The following KDM5A variants were observed in gnomAD, a reference collection of about 807,000 sequenced individuals.
KDM5A encodes lysine-specific demethylase 5A.
A neutral mutation model predicts 193.5 loss-of-function variants in KDM5A; 42 were observed. That is an observed-to-expected ratio of 0.22 (90% CI 0.17 to 0.28). KDM5A has a LOEUF of 0.28. Ranked by LOEUF, KDM5A falls within the 10% of genes least tolerant of loss-of-function variation. KDM5A has a pLI of 1.00. For missense variants in KDM5A, 1,692 were observed against 2,055.1 expected, an observed-to-expected ratio of 0.82 and a Z score of 3.42; for synonymous variants, 796 against 718.1, an observed-to-expected ratio of 1.11 and a Z score of -1.73.
At chr12:373,662 T>C (rs552914040) in intron 3 of KDM5A, among the ~76,000 whole-genome samples, 2 of 152,338 alleles carry the variant, frequency 1.3e-5, no homozygotes, top group South Asian at 4.1e-4. Flanking sequence ...GTTCTTTTAA[T>C]TGTGATGTTA....
chr12:323,517 A>C, intron 15 of KDM5A, 83 bp downstream of exon 15: 1 of 1,331,960 alleles, frequency 7.5e-7, no homozygotes, highest in South Asian at 1.2e-5. Context: ...GTAAAGGAGT[A>C]AAGTAAGGGA....
At chr12:294,662 G>C (rs1943346820) in intron 26 of KDM5A, among the ~76,000 whole-genome samples, 1 of 152,136 alleles carries the variant, frequency 6.6e-6, no homozygotes. Flanking sequence ...AACTGTTGGT[G>C]ACATGGCACC....
intron 3 of KDM5A, among the ~76,000 whole-genome samples, chr12:377,891 C>T (rs1035631005): frequency 6.6e-6 from 1 of 151,892 alleles, no homozygotes; most frequent in Non-Finnish European, 1.5e-5. Context: ...AGAATGGCTC[C>T]AAGAAAATAA....
At chr12:295,494 T>G in intron 26 of KDM5A, 79 bp downstream of exon 26, 1 of 1,347,070 alleles carries the variant, frequency 7.4e-7, no homozygotes, top group African/African-American at 1.4e-5. Context: ...GCCACCCCTT[T>G]GCCAACATTT....
At position 294,998 on chromosome 12, in the gene KDM5A, G is replaced by C. The variant is rs577618536; in HGVS notation, c.4455+575C>G. ...AATGTGGACCTTCTCTCCCCCCCAG[G>C]CTTCTACTACTTAACCATCCCTGTG... On this transcript the variant is annotated intron_variant, in intron 26 of 27. Transcript: ENST00000399788. Among the ~76,000 whole-genome samples, 3 of 152,174 alleles carry C rather than the reference G, an allele frequency of 2.0e-5. No individual in the cohort carries two copies. The East Asian group carries it at 5.8e-4, about 29-fold the overall frequency.
chr12:388,675 A>T, intron 1 of KDM5A: 2 of 577,054 alleles, frequency 3.5e-6, no homozygotes, highest in African/African-American at 1.9e-5. Flanking sequence ...CTTTAGGCCC[A>T]CGGCTGAGAG....
At chr12:357,425 C>T (rs1314223653) in intron 5 of KDM5A, among the ~76,000 whole-genome samples, 1 of 151,704 alleles carries the variant, frequency 6.6e-6, no homozygotes, top group African/African-American at 2.4e-5. Context: ...CACTTGAAGC[C>T]CTGGAGTTCA....
chr12:344,160 G>C (rs1009127895), intron 10 of KDM5A, among the ~76,000 whole-genome samples: 1 of 152,180 alleles, frequency 6.6e-6, no homozygotes, highest in South Asian at 2.1e-4. Context: ...GGAAGAAAGG[G>C]TATCAGTGAT....
intron 10 of KDM5A, among the ~76,000 whole-genome samples, chr12:341,143 G>C (rs1591921306): frequency 6.6e-6 from 1 of 152,100 alleles, no homozygotes; most frequent in African/African-American, 2.4e-5. Flanking sequence ...TAAAAATTCA[G>C]AACAGAAAAT....
At position 373,829 on chromosome 12, in the gene KDM5A, C is replaced by T. The variant is rs920843231; in HGVS notation, c.367-7725G>A. 2.4e-4 allele frequency among the ~76,000 whole-genome samples: 36 copies of T among 152,262 alleles called. 1 individual carries two copies. The East Asian group carries it at 3.9e-3, about 16-fold the overall frequency. ...AACATCTTTATTTCTGCCTTCATTT[C>T]GTTATGTACCCAGTAGTCATTCAGG... is the stretch of plus-strand genomic sequence containing the variant. On this transcript the variant is annotated intron_variant, in intron 3 of 27. Transcript: ENST00000399788.
rs1010429341 is a variant in KDM5A at position 307,540 on chromosome 12, G to A, written c.3844C>T (p.Arg1282Cys). ...TCTCGAGCCGCCTGTTCCACCATACGCTGGCTCAACACAGATAGTTTGGCC... is the reference window on the plus strand; with the variant it reads ...TCTCGAGCCGCCTGTTCCACCATACACTGGCTCAACACAGATAGTTTGGCC... ...ALAKLSVLSQ[R>C]MVEQAAREKT... Residue 1282 changes from arginine to cysteine, a missense_variant, in exon 23 of 28, where the codon CGT (arginine) becomes TGT (cysteine). Physicochemically the swap from Arg to Cys is radical, Grantham distance 180. This residue lies in a region of KDM5A where 965 missense variants were observed against 1,061.0 expected (regional missense o/e 0.91). Coordinates refer to ENST00000399788, the MANE Select transcript of KDM5A (RefSeq NM_001042603.3). The surrounding 1 kb of genome is among the most constrained non-coding windows in gnomAD (Gnocchi z 4.3). 3.7e-6 allele frequency: 6 copies of A among 1,614,008 alleles called. No individual in the cohort carries two copies. The highest frequency in any genetic ancestry group is 2.2e-5 in the East Asian group (1 of 44,878).
At chr12:299,381 G>A (rs1028667243) in intron 24 of KDM5A, among the ~76,000 whole-genome samples, 1 of 152,148 alleles carries the variant, frequency 6.6e-6, no homozygotes. Flanking sequence ...AAAGAGAGTG[G>A]GGGCCAATAT....
chr12:336,358 TAAA>T (rs61128182), intron 10 of KDM5A, among the ~76,000 whole-genome samples: 5 of 72,544 alleles, frequency 6.9e-5, no homozygotes, highest in Middle Eastern at 7.7e-3. Context: ...CCTGTCTCAC[TAAA>T]AAAAAAAAAA....
At chr12:289,601 G>A (rs1274934768) in intron 27 of KDM5A, among the ~76,000 whole-genome samples, 2 of 150,938 alleles carry the variant, frequency 1.3e-5, no homozygotes, top group Non-Finnish European at 2.9e-5. Context: ...TGTAGTCCCA[G>A]CTATTCAGGA....
rs113666461 is a variant in KDM5A at position 383,684 on chromosome 12, TATAAA to T, written c.366+342_366+346del. ...GTAATTAAATATTGATCTCAACAAA[TATAAA>T]ATAAGTTTTAAAGATAACTTTGAGA... is the stretch of plus-strand genomic sequence containing the variant. On this transcript the variant is annotated intron_variant, in intron 3 of 27. Coordinates refer to ENST00000399788, the MANE Select transcript of KDM5A (RefSeq NM_001042603.3). 5.5e-3 allele frequency among the ~76,000 whole-genome samples: 838 copies of T among 152,204 alleles called. 5 individuals are homozygous for T. Among genetic ancestry groups the T allele is most frequent in the African/African-American group, 0.017 (700 of 41,554 alleles).
intron 27 of KDM5A, among the ~76,000 whole-genome samples, chr12:290,657 TATC>T (rs1943280983): frequency 1.3e-5 from 2 of 152,266 alleles, no homozygotes; most frequent in Non-Finnish European, 2.9e-5. Context: ...TGTTTTGTCT[TATC>T]ATCATAACCC....
chr12:359,796 A>G (rs1227455433), intron 5 of KDM5A, among the ~76,000 whole-genome samples: 1 of 135,434 alleles, frequency 7.4e-6, no homozygotes, highest in Non-Finnish European at 1.6e-5. Context: ...GGATGAAGGG[A>G]AGAAGGGAGG....
chr12:375,632 T>C (rs1944493291), intron 3 of KDM5A, among the ~76,000 whole-genome samples: 1 of 152,228 alleles, frequency 6.6e-6, no homozygotes, highest in Non-Finnish European at 1.5e-5. Flanking sequence ...CTGTGTTCCT[T>C]TGGCGGGGGA....
intron 3 of KDM5A, among the ~76,000 whole-genome samples, chr12:377,388 T>G (rs956069606): frequency 2.0e-5 from 3 of 151,974 alleles, no homozygotes; most frequent in African/African-American, 7.2e-5. Flanking sequence ...GAAAGGTTAT[T>G]GAGAGCCATA....
Sources: allele counts gnomAD v4.1 joint callset (sites outside exome capture counted in the v4.1 genomes callset), GRCh38; gene constraint gnomAD v4.1.1; regional missense constraint gnomAD v4.1.1; non-coding constraint Gnocchi (gnomAD v3.1); transcripts MANE v1.5; gene names NCBI Gene and HGNC (gene_info 2026-07-23, HGNC 2026-07-21).